The following TBC1D22A variants were observed in gnomAD, a reference collection of about 807,000 sequenced individuals.
The protein encoded by TBC1D22A is TBC1 domain family member 22A.
A neutral mutation model predicts 60.2 loss-of-function variants in TBC1D22A; 38 were observed. The ratio of observed to expected loss-of-function variants is 0.63; its 90% confidence interval spans 0.49 to 0.83. The LOEUF (loss-of-function observed/expected upper bound fraction) is 0.83, where lower values mean the gene tolerates loss of function less well. TBC1D22A is among the 40% of genes least tolerant of loss of function. TBC1D22A has a pLI of 0.00. For synonymous variants in TBC1D22A, 302 were observed against 281.7 expected, an observed-to-expected ratio of 1.07 and a Z score of -0.72; for missense variants, 628 against 701.0, an observed-to-expected ratio of 0.90 and a Z score of 1.18.
intron 11 of TBC1D22A, among the ~76,000 whole-genome samples, chr22:47,068,496 C>G (rs953173817): frequency 6.6e-6 from 1 of 152,212 alleles, no homozygotes; most frequent in African/African-American, 2.4e-5. Context: ...CCACAGAGCA[C>G]CTGCTTTTCA....
At chr22:46,864,512 C>T (rs1236900596) in intron 4 of TBC1D22A, among the ~76,000 whole-genome samples, 1 of 152,202 alleles carries the variant, frequency 6.6e-6, no homozygotes. Context: ...TTTCTCAGGC[C>T]TCCTGTACTT....
At chr22:47,110,677 A>T (rs1019809147) in intron 11 of TBC1D22A, among the ~76,000 whole-genome samples, 1 of 152,076 alleles carries the variant, frequency 6.6e-6, no homozygotes. Flanking sequence ...GGATTTGTTT[A>T]CTTAATGAAC....
intron 11 of TBC1D22A, among the ~76,000 whole-genome samples, chr22:47,094,238 G>A (rs1257289813): frequency 6.6e-6 from 1 of 152,188 alleles, no homozygotes; most frequent in Non-Finnish European, 1.5e-5. Context: ...CAAATGTTAA[G>A]TTTTAAGCTT....
Position 47,137,378 on chromosome 22 carries a change from G to A in TBC1D22A, c.1425+25775G>A, listed in dbSNP as rs866685963. Among the ~76,000 whole-genome samples, 3 of 152,298 alleles carry A rather than the reference G, an allele frequency of 2.0e-5. No homozygotes were observed. In the South Asian group the frequency reaches 6.2e-4, roughly 32 times the overall value. ...CCAGTCAGAGTGGACACTGGAGCAT[G>A]GTGGCGTCCCGGCCCTGTCATCACT... On this transcript the variant is annotated intron_variant, in intron 12 of 12. Transcript: ENST00000337137.
At position 47,052,375 on chromosome 22, in the gene TBC1D22A, C is replaced by T. The variant is rs865874409; in HGVS notation, c.1329+15177C>T. The stretch of plus-strand genomic sequence containing the variant: ...CCCTGGGAGGGGCAGGCACAGCGGG[C>T]GAGCCTGGGGATGCCTGGGAGGGAC... On this transcript the variant is annotated intron_variant, in intron 11 of 12. Transcript: ENST00000337137. 7.2e-5 allele frequency among the ~76,000 whole-genome samples: 11 copies of T among 152,226 alleles called. No individual in the cohort carries two copies. The East Asian group carries it at 9.7e-4, about 13-fold the overall frequency.
chr22:46,898,390 C>A (rs1482434701), intron 7 of TBC1D22A, among the ~76,000 whole-genome samples: 1 of 152,196 alleles, frequency 6.6e-6, no homozygotes, highest in Non-Finnish European at 1.5e-5. Flanking sequence ...GCCTGGGAGA[C>A]AGGTCTATGT....
chr22:46,794,178 C>T (rs990086496), intron 3 of TBC1D22A, among the ~76,000 whole-genome samples: 3 of 152,196 alleles, frequency 2.0e-5, no homozygotes, highest in Non-Finnish European at 4.4e-5. Flanking sequence ...GGAGCAAGCG[C>T]CTGGGGACAC....
In TBC1D22A at chr22:47,058,912, C is replaced by A. The variant is rs74558693; in HGVS notation, c.1329+21714C>A. On this transcript the variant is annotated intron_variant, in intron 11 of 12. Coordinates refer to ENST00000337137, the MANE Select transcript of TBC1D22A (RefSeq NM_014346.5). ...GACAGATCTTGAGCAGTGGTGGGGC[C>A]CTGGGGAACCTCTCCCCATACCCCT... Among the ~76,000 whole-genome samples, 756 of 152,218 alleles carry A rather than the reference C, an allele frequency of 5.0e-3. 8 individuals carry two copies. The highest frequency in any genetic ancestry group is 0.018 in the African/African-American group (729 of 41,524).
At chr22:46,791,905 C>A (rs2084426039) in intron 1 of TBC1D22A, among the ~76,000 whole-genome samples, 2 of 152,122 alleles carry the variant, frequency 1.3e-5, no homozygotes, top group Admixed American at 1.3e-4. Context: ...GGATTACAGG[C>A]ATGTACCACC....
rs1373677887 is a variant in TBC1D22A at position 47,090,801 on chromosome 22, CGCGGAGGGGGTGGCTGCTTGTTGATAGAG to C, written c.1330-20706_1330-20678del. ...AATCGTCTTTGGTGGGGAGTGGCCTCGCGGAGGGGGTGGCTGCTTGTTGATAGAGACGGGCACGAGAAGTCGTCTTTGGG... is the reference window on the plus strand; with the variant it reads ...AATCGTCTTTGGTGGGGAGTGGCCTCACGGGCACGAGAAGTCGTCTTTGGG... On this transcript the variant is annotated intron_variant, in intron 11 of 12. Coordinates refer to ENST00000337137, the MANE Select transcript of TBC1D22A (RefSeq NM_014346.5). 9.1e-5 allele frequency among the ~76,000 whole-genome samples: 12 copies of C among 131,644 alleles called. 1 individual carries two copies. Among genetic ancestry groups the C allele is most frequent in the South Asian group, 5.0e-4 (2 of 3,984 alleles). 86.4% of individuals were successfully genotyped at this position (131,644 alleles called of 152,430 possible).
chr22:47,000,524 G>A (rs535962898), intron 10 of TBC1D22A, among the ~76,000 whole-genome samples: 19 of 152,358 alleles, frequency 1.2e-4, no homozygotes, highest in African/African-American at 4.6e-4. Context: ...GGCTGTGTCT[G>A]TAATGGAAGC....
intron 5 of TBC1D22A, among the ~76,000 whole-genome samples, chr22:46,885,408 G>A (rs151317849): frequency 3.5e-4 from 53 of 152,284 alleles, no homozygotes; most frequent in African/African-American, 1.1e-3. Flanking sequence ...GGACAGTGAC[G>A]GCCTTCTGTG....
intron 7 of TBC1D22A, among the ~76,000 whole-genome samples, chr22:46,910,507 C>T (rs181045293): frequency 1.0e-3 from 153 of 152,196 alleles, no homozygotes; most frequent in Middle Eastern, 6.8e-3. Flanking sequence ...TCTGTCGGAG[C>T]GTGTGTTCCT....
rs1337088130 is a variant in TBC1D22A, at chr22:47,069,992, C to A, written c.1329+32794C>A. ...CCTGTTTGGTTGGAGCGGAGCTGACCTGACGGTCCCAGCGCTGTCCCCTGT... is the reference window on the plus strand; with the variant it reads ...CCTGTTTGGTTGGAGCGGAGCTGACATGACGGTCCCAGCGCTGTCCCCTGT... On this transcript the variant is annotated intron_variant, in intron 11 of 12. Coordinates refer to ENST00000337137, the MANE Select transcript of TBC1D22A (RefSeq NM_014346.5). Among the ~76,000 whole-genome samples the A allele has an allele frequency of 1.5e-5, 2 of 134,822 alleles. 1 individual carries two copies. The highest frequency in any genetic ancestry group is 6.3e-5 in the African/African-American group (2 of 31,620). The allele number at this position is 134,822 out of a possible 152,430, so 88.4% of individuals were successfully genotyped here.
intron 12 of TBC1D22A, among the ~76,000 whole-genome samples, chr22:47,144,351 TG>T (rs1355755457): frequency 6.6e-6 from 1 of 152,142 alleles, no homozygotes; most frequent in East Asian, 1.9e-4. Flanking sequence ...CCTTTGTGTT[TG>T]GAAAGGGCCC....
chr22:46,812,086 C>G (rs1453520277), intron 4 of TBC1D22A, among the ~76,000 whole-genome samples: 1 of 152,144 alleles, frequency 6.6e-6, no homozygotes, highest in Non-Finnish European at 1.5e-5. Flanking sequence ...TTGGAATGAT[C>G]AGAGCTGTGC....
At position 46,999,279 on chromosome 22, in the gene TBC1D22A, C is replaced by A. The variant is rs540757716; in HGVS notation, c.1201+1570C>A. Among the ~76,000 whole-genome samples, 42 of 152,174 alleles carry A rather than the reference C, an allele frequency of 2.8e-4. 1 individual carries two copies. The highest frequency in any genetic ancestry group is 8.8e-5 in the Non-Finnish European group (6 of 68,034). ...ATAACCAAAGGAACCCCAACGAAAT[C>A]TGTACTTTTTAGTAAATCATATTTT... On this transcript the variant is annotated intron_variant, in intron 10 of 12. Transcript: ENST00000337137.
intron 11 of TBC1D22A, among the ~76,000 whole-genome samples, chr22:47,045,244 G>C (rs131899): frequency 0.71 from 107,114 of 151,932 alleles, 38,261 homozygotes; most frequent in East Asian, 0.92. Flanking sequence ...ACACGCGGCT[G>C]TGTGTTCACT....
At chr22:47,127,848 C>T (rs912017922) in intron 12 of TBC1D22A, among the ~76,000 whole-genome samples, 1 of 151,560 alleles carries the variant, frequency 6.6e-6, no homozygotes, top group Admixed American at 6.6e-5. Context: ...CTCTTCAGGG[C>T]AAGTGGTCTT....
Sources: allele counts gnomAD v4.1 joint callset (sites outside exome capture counted in the v4.1 genomes callset), GRCh38; gene constraint gnomAD v4.1.1; transcripts MANE v1.5; gene names NCBI Gene and HGNC (gene_info 2026-07-23, HGNC 2026-07-21).